KHDRBS3: variants seen among roughly 807,000 people sequenced by gnomAD.
KHDRBS3 encodes the protein KH RNA binding domain containing, signal transduction associated 3, also known as KH domain-containing, RNA-binding, signal transduction-associated protein 3.
Under a neutral mutation model 45.6 loss-of-function variants are expected in KHDRBS3, and 23 were observed. The observed-to-expected ratio is 0.50, with a 90% CI of 0.36 to 0.72. The LOEUF (loss-of-function observed/expected upper bound fraction) is 0.72. Ranked by LOEUF, KHDRBS3 falls within the 30% of genes least tolerant of loss-of-function variation. The pLI is 0.00. For synonymous variants in KHDRBS3, 162 were observed against 156.5 expected (o/e 1.04, Z -0.26); for missense variants, 352 against 424.8 (o/e 0.83, Z 1.51).
rs1300414403 is a variant in KHDRBS3 at position 135,459,825 on chromosome 8, A to G, written c.88+1871A>G. 3.3e-5 allele frequency among the ~76,000 whole-genome samples: 5 copies of G among 152,212 alleles called. No individual in the cohort carries two copies. The East Asian group carries it at 9.6e-4, about 29-fold the overall frequency. ...AGTGTTAATGGCTTCCAGTTACTTG[A>G]AACAGATATTTACTGGGGAAATGTT... On this transcript the variant is annotated intron_variant, in intron 1 of 8. Transcript: ENST00000355849.
Position 135,647,116 on chromosome 8 carries a change from C to A in KHDRBS3, c.*32C>A, listed in dbSNP as rs1214767799. 3 of 1,146,660 alleles carry A rather than the reference C, an allele frequency of 2.6e-6. No individual in the cohort carries two copies. Among genetic ancestry groups the A allele is most frequent in the Non-Finnish European group, 4.0e-6 (3 of 754,238 alleles). The allele number at this position is 1,146,660 out of a possible 1,614,324, so 71.0% of individuals were successfully genotyped here. A position where few individuals can be genotyped will look rare whatever the true frequency, so the allele number is the denominator to read the frequency against. ...TGTCTGATGTTGTGAAATAGCCAATCTCCACCAGTCCTGTATACTGTTCAA... is the reference window on the plus strand; with the variant it reads ...TGTCTGATGTTGTGAAATAGCCAATATCCACCAGTCCTGTATACTGTTCAA... On this transcript the variant is annotated 3_prime_UTR_variant, in exon 9 of 9. Transcript: ENST00000355849.
intron 1 of KHDRBS3, among the ~76,000 whole-genome samples, chr8:135,474,935 T>C (rs1586569300): frequency 6.6e-6 from 1 of 152,212 alleles, no homozygotes; most frequent in East Asian, 1.9e-4. Context: ...GCTTTCCAGC[T>C]CTGGAGGCTG....
At chr8:135,582,542 A>G (rs932666808) in intron 6 of KHDRBS3, among the ~76,000 whole-genome samples, 1 of 152,208 alleles carries the variant, frequency 6.6e-6, no homozygotes, top group African/African-American at 2.4e-5. Context: ...TCTATTTTCA[A>G]TTAGTGCAAA....
chr8:135,564,174 G>C (rs1488890813), intron 5 of KHDRBS3, among the ~76,000 whole-genome samples: 1 of 152,018 alleles, frequency 6.6e-6, no homozygotes. Context: ...AGTTTCTTTT[G>C]AGCATTAGAT....
At chr8:135,521,132 A>C (rs187436929) in intron 1 of KHDRBS3, 105 bp from the exon 2 acceptor site, 1 of 689,846 alleles carries the variant, frequency 1.4e-6, no homozygotes, top group Admixed American at 2.4e-5. Context: ...TTAATAGTCC[A>C]TACTTCAGTA....
intron 6 of KHDRBS3, among the ~76,000 whole-genome samples, chr8:135,603,000 A>G (rs1163182627): frequency 6.6e-6 from 1 of 152,078 alleles, no homozygotes; most frequent in East Asian, 1.9e-4. Context: ...CATTCTGCCT[A>G]ATTTTAATTT....
chr8:135,521,153 T>A, intron 1 of KHDRBS3, 84 bp from the exon 2 acceptor site: 1 of 758,912 alleles, frequency 1.3e-6, no homozygotes, highest in Non-Finnish European at 2.3e-6. Context: ...GTAGTTGATT[T>A]CATGCCACTA....
At chr8:135,550,645 A>G (rs951145100) in intron 4 of KHDRBS3, among the ~76,000 whole-genome samples, 1 of 152,138 alleles carries the variant, frequency 6.6e-6, no homozygotes, top group African/African-American at 2.4e-5. Context: ...AAATCTGGAA[A>G]TCTAGGTTGT....
At chr8:135,558,307 T>C (rs1256745000) in intron 5 of KHDRBS3, among the ~76,000 whole-genome samples, 1 of 107,650 alleles carries the variant, frequency 9.3e-6, no homozygotes, top group South Asian at 3.6e-4. Context: ...AAATCTGATA[T>C]GACTATCTCA....
chr8:135,513,635 A>C (rs1824421957), intron 1 of KHDRBS3, among the ~76,000 whole-genome samples: 1 of 152,266 alleles, frequency 6.6e-6, no homozygotes, highest in East Asian at 1.9e-4. Context: ...AGAATTCAAC[A>C]ATCAGCAGTG....
chr8:135,533,116 G>A (rs549208319), intron 2 of KHDRBS3, among the ~76,000 whole-genome samples: 1 of 152,186 alleles, frequency 6.6e-6, no homozygotes, highest in South Asian at 2.1e-4. Flanking sequence ...TGCTTTCAGT[G>A]TACTGGGGCA....
intron 1 of KHDRBS3, among the ~76,000 whole-genome samples, chr8:135,467,648 G>C (rs1821765660): frequency 6.6e-6 from 1 of 152,232 alleles, no homozygotes; most frequent in Non-Finnish European, 1.5e-5. Flanking sequence ...GTCACACACT[G>C]TCTTGGCAGG....
chr8:135,531,865 A>G (rs1825495484), intron 2 of KHDRBS3, among the ~76,000 whole-genome samples: 1 of 152,192 alleles, frequency 6.6e-6, no homozygotes, highest in African/African-American at 2.4e-5. Context: ...TCAGTGCTTT[A>G]CTTGGGCATG....
intron 1 of KHDRBS3, among the ~76,000 whole-genome samples, chr8:135,479,318 G>T (rs535842773): frequency 6.6e-6 from 1 of 152,142 alleles, no homozygotes; most frequent in African/African-American, 2.4e-5. Context: ...AAACCTACTC[G>T]TTAAGAAAAG....
chr8:135,553,224 A>C (rs1048676151), intron 4 of KHDRBS3, among the ~76,000 whole-genome samples: 1 of 152,074 alleles, frequency 6.6e-6, no homozygotes, highest in Non-Finnish European at 1.5e-5. Context: ...CATATTTCTT[A>C]CCTGAAATGT....
intron 1 of KHDRBS3, among the ~76,000 whole-genome samples, chr8:135,502,267 A>G (rs367924486): frequency 2.0e-5 from 3 of 152,194 alleles, no homozygotes; most frequent in East Asian, 1.9e-4. Flanking sequence ...CAATCTGTCT[A>G]CCTTTTCACT....
intron 6 of KHDRBS3, among the ~76,000 whole-genome samples, chr8:135,602,596 G>C (rs567146977): frequency 6.6e-6 from 1 of 151,776 alleles, no homozygotes; most frequent in East Asian, 1.9e-4. Context: ...TATAATTCTA[G>C]TCATTTACAA....
intron 5 of KHDRBS3, 37 bp from the exon 6 acceptor site, chr8:135,581,841 A>G (rs371429766): frequency 3.5e-6 from 5 of 1,443,038 alleles, no homozygotes; most frequent in East Asian, 2.4e-5. Context: ...GTTAGAGACT[A>G]TGATAGATAC....
intron 5 of KHDRBS3, among the ~76,000 whole-genome samples, chr8:135,570,281 TA>T (rs1827638610): frequency 6.6e-6 from 1 of 152,184 alleles, no homozygotes; most frequent in African/African-American, 2.4e-5. Flanking sequence ...AAGTGTTACA[TA>T]CTGAATAGAA....
Sources: gnomAD v4.1 joint callset for allele counts (sites outside exome capture counted in the v4.1 genomes callset) on GRCh38, gnomAD v4.1.1 for gene constraint, MANE v1.5 for transcripts, NCBI Gene and HGNC (gene_info 2026-07-23, HGNC 2026-07-21) for gene names.